The following LNX2 variants were observed in gnomAD, a reference collection of about 807,000 sequenced individuals.
LNX2 encodes ligand of Numb protein X 2.
In LNX2, 35 loss-of-function variants were observed where a neutral mutation model predicts 66.2. The observed-to-expected ratio is 0.53, with a 90% CI of 0.40 to 0.70. The LOEUF (loss-of-function observed/expected upper bound fraction) is 0.70, where lower values mean the gene tolerates loss of function less well. Among genes scored for constraint, LNX2 ranks in the 30% least tolerant of loss-of-function variants. The probability of loss-of-function intolerance (pLI) is 0.00; values close to 1 mark genes in which losing one functional copy is unlikely to be tolerated. For missense variants in LNX2, 791 were observed against 850.8 expected (o/e 0.93, Z 0.87); for synonymous variants, 337 against 315.6 (o/e 1.07, Z -0.72).
chr13:27,614,582 G>C (rs561263056), intron 1 of LNX2, among the ~76,000 whole-genome samples: 1 of 152,150 alleles, frequency 6.6e-6, no homozygotes, highest in South Asian at 2.1e-4. Flanking sequence ...TGTTCCGCAA[G>C]ATCTATGTGT....
At chr13:27,567,976 G>C (rs1955227134) in intron 3 of LNX2, 137 bp from the exon 4 acceptor site, 1 of 714,038 alleles carries the variant, frequency 1.4e-6, no homozygotes, top group Admixed American at 2.6e-5. Flanking sequence ...CACTGGATAA[G>C]AAACAAAATG....
At chr13:27,588,021 C>CA (rs56812051) in intron 1 of LNX2, among the ~76,000 whole-genome samples, 1,445 of 93,432 alleles carry the variant, frequency 0.015, 110 homozygotes, top group Non-Finnish European at 0.021. Flanking sequence ...ACTCTTGTCA[C>CA]AAAAAAAAAA....
At chr13:27,581,210 TTTG>T in intron 2 of LNX2, 84 bp downstream of exon 2, 1 of 1,086,714 alleles carries the variant, frequency 9.2e-7, no homozygotes, top group South Asian at 2.0e-5. Flanking sequence ...AGTGCTCTGG[TTTG>T]TTTTGTTTTA....
At chr13:27,567,607 G>A (rs759906043) in intron 4 of LNX2, 33 bp downstream of exon 4, 42 of 1,583,710 alleles carry the variant, frequency 2.7e-5, no homozygotes, top group Non-Finnish European at 3.6e-5. Flanking sequence ...GGAACAAAAA[G>A]GCACAAGTTA....
At chr13:27,581,215 T>C (rs999274522) in intron 2 of LNX2, 82 bp downstream of exon 2, 4 of 1,191,838 alleles carry the variant, frequency 3.4e-6, no homozygotes, top group Non-Finnish European at 4.5e-6. Context: ...TCTGGTTTGT[T>C]TTGTTTTAAT....
chr13:27,579,900 G>T lies in LNX2; in HGVS notation c.407+1397C>A, dbSNP rs534385109. Among the ~76,000 whole-genome samples the T allele has an allele frequency of 2.6e-5, 4 of 152,262 alleles. No individual in the cohort carries two copies. In the East Asian group the frequency reaches 7.7e-4, roughly 29 times the overall value. ...TCAGATTCTATGCTTGCTGGTTACA[G>T]AAGATATAAAAAAATGCAATGCTAC... On this transcript the variant is annotated intron_variant, in intron 2 of 9. Transcript: ENST00000316334.
chr13:27,585,885 GTTCT>G (rs1328605088), intron 1 of LNX2, among the ~76,000 whole-genome samples: 4 of 151,702 alleles, frequency 2.6e-5, no homozygotes, highest in East Asian at 3.9e-4. Flanking sequence ...AATAACTTCA[GTTCT>G]TTATTTTCAT....
intron 1 of LNX2, among the ~76,000 whole-genome samples, chr13:27,599,971 T>C (rs1332802645): frequency 6.6e-6 from 1 of 152,164 alleles, no homozygotes; most frequent in African/African-American, 2.4e-5. Context: ...GAGTAAAGAA[T>C]AATACATTTT....
Position 27,581,781 on chromosome 13 carries a change from G to C in LNX2, c.-78C>G. On this transcript the variant is annotated 5_prime_UTR_variant, in exon 2 of 10. Coordinates refer to ENST00000316334, the MANE Select transcript of LNX2 (RefSeq NM_153371.4). ...TCCTTTAACAGACAGTGATGTATCT[G>C]ACTAAAGTCAAGGTGTGTTTTTCTA... 2.4e-6 allele frequency: 3 copies of C among 1,253,316 alleles called. No homozygotes were observed. The highest frequency in any genetic ancestry group is 2.2e-6 in the Non-Finnish European group (2 of 910,842). 77.6% of individuals were successfully genotyped at this position (1,253,316 alleles called of 1,614,324 possible).
intron 1 of LNX2, among the ~76,000 whole-genome samples, chr13:27,586,297 T>G (rs993569019): frequency 1.3e-5 from 2 of 152,158 alleles, no homozygotes; most frequent in Non-Finnish European, 2.9e-5. Context: ...CCATTCCTTC[T>G]GGCTTTAAAA....
intron 1 of LNX2, among the ~76,000 whole-genome samples, chr13:27,594,540 C>T (rs1005730102): frequency 2.6e-5 from 4 of 151,992 alleles, no homozygotes; most frequent in African/African-American, 9.7e-5. Flanking sequence ...TTGTATAGTT[C>T]ATTTGTATAA....
chr13:27,591,556 A>C lies in LNX2; in HGVS notation c.-100-9753T>G, dbSNP rs568325280. 6.4e-4 allele frequency among the ~76,000 whole-genome samples: 98 copies of C among 152,336 alleles called. 1 individual carries two copies. Among genetic ancestry groups the C allele is most frequent in the Middle Eastern group, 3.4e-3 (1 of 294 alleles). On this transcript the variant is annotated intron_variant, in intron 1 of 9. Transcript: ENST00000316334. Reference sequence around the variant, plus strand: ...AACTATATTGAAAAGCAAACTAATTATTCTTTTCCCTAACCTCAAATCTGA... The same window carrying C: ...AACTATATTGAAAAGCAAACTAATTCTTCTTTTCCCTAACCTCAAATCTGA...
intron 1 of LNX2, among the ~76,000 whole-genome samples, chr13:27,600,757 T>C (rs1436047092): frequency 2.0e-5 from 3 of 152,292 alleles, no homozygotes; most frequent in African/African-American, 7.2e-5. Flanking sequence ...GCTTCCACAA[T>C]ATTGCCAACA....
intron 3 of LNX2, among the ~76,000 whole-genome samples, chr13:27,568,708 A>C (rs559918231): frequency 6.6e-6 from 1 of 152,354 alleles, no homozygotes; most frequent in East Asian, 1.9e-4. Flanking sequence ...TATGACAAGA[A>C]GCAAACAAGT....
At chr13:27,575,378 T>G (rs1453926050) in intron 2 of LNX2, among the ~76,000 whole-genome samples, 2 of 152,138 alleles carry the variant, frequency 1.3e-5, no homozygotes, top group African/African-American at 4.8e-5. Flanking sequence ...TGTTTCTGAG[T>G]GTGTCTGTGA....
intron 1 of LNX2, among the ~76,000 whole-genome samples, chr13:27,609,306 C>T (rs1955750666): frequency 6.6e-6 from 1 of 152,062 alleles, no homozygotes; most frequent in African/African-American, 2.4e-5. Context: ...GCGTGCATCA[C>T]CATGCCCACC....
chr13:27,562,502 C>T lies in LNX2; in HGVS notation c.1135G>A (p.Gly379Ser), dbSNP rs367873891. 8 of 1,614,028 alleles carry T rather than the reference C, an allele frequency of 5.0e-6. No individual in the cohort carries two copies. The highest frequency in any genetic ancestry group is 1.1e-5 in the South Asian group (1 of 91,076). Reference sequence around the variant, plus strand: ...ACTCGGTCATTGCTGCTTAGCCTGCCGTCCTGGGCAGCCAACCCCCCTTCC... The same window carrying T: ...ACTCGGTCATTGCTGCTTAGCCTGCTGTCCTGGGCAGCCAACCCCCCTTCC... Reference protein sequence around the residue: ...LLEGGLAAQDGRLSSNDRVLA... With the variant: ...LLEGGLAAQDSRLSSNDRVLA... The change falls in exon 5 of 10, where the codon GGC becomes AGC. Residue 379 changes from glycine to serine, a missense_variant. Transcript: ENST00000316334.
At chr13:27,558,854 T>C (rs1251147355) in intron 6 of LNX2, among the ~76,000 whole-genome samples, 1 of 152,106 alleles carries the variant, frequency 6.6e-6, no homozygotes, top group Non-Finnish European at 1.5e-5. Flanking sequence ...ATAAACCCAA[T>C]GGGCCAAAAA....
chr13:27,574,343 C>G (rs1338452128), intron 2 of LNX2, among the ~76,000 whole-genome samples: 1 of 152,062 alleles, frequency 6.6e-6, no homozygotes, highest in African/African-American at 2.4e-5. Context: ...ACTTGGGAGG[C>G]AGAAGTGGCA....
Sources: allele counts gnomAD v4.1 joint callset (sites outside exome capture counted in the v4.1 genomes callset), GRCh38; gene constraint gnomAD v4.1.1; transcripts MANE v1.5; gene names NCBI Gene and HGNC (gene_info 2026-07-23, HGNC 2026-07-21).